Variants in PTPRD observed in about 807,000 individuals in gnomAD.
The protein encoded by PTPRD is receptor-type tyrosine-protein phosphatase delta.
A neutral mutation model predicts 214.5 loss-of-function variants in PTPRD; 34 were observed. That is an observed-to-expected ratio of 0.16 (90% CI 0.12 to 0.21). The LOEUF (loss-of-function observed/expected upper bound fraction) is 0.21. Among genes scored for constraint, PTPRD ranks in the 10% least tolerant of loss-of-function variants. The probability of loss-of-function intolerance (pLI) is 1.00; values close to 1 mark genes in which losing one functional copy is unlikely to be tolerated. For missense variants in PTPRD, 2,545 were observed against 2,398.7 expected (o/e 1.06, Z -1.27); for synonymous variants, 1,128 against 845.7 (o/e 1.33, Z -5.79).
At chr9:10,364,810 T>C (rs1010511522) in intron 2 of PTPRD, among the ~76,000 whole-genome samples, 2 of 152,186 alleles carry the variant, frequency 1.3e-5, no homozygotes, top group Admixed American at 6.5e-5. Flanking sequence ...TTATCTCTAT[T>C]ACCATACGAT....
chr9:8,701,499 GGT>G (rs2154395415), intron 12 of PTPRD: 1 of 152,298 alleles, frequency 6.6e-6, no homozygotes, highest in Non-Finnish European at 1.5e-5. Context: ...AGCCGGGCGT[GGT>G]GGCACATGCC....
In PTPRD at chr9:8,796,746, G is replaced by C. The variant is rs1160059065; in HGVS notation, c.-103-62800C>G. On this transcript the variant is annotated intron_variant, in intron 11 of 45. Coordinates refer to ENST00000381196, the MANE Select transcript of PTPRD (RefSeq NM_002839.4). ...ACATGGAAGCTCTAATCTTCTGGTTGAGAAATTCAAATTTCCTTAATCCAG... is the reference window on the plus strand; with the variant it reads ...ACATGGAAGCTCTAATCTTCTGGTTCAGAAATTCAAATTTCCTTAATCCAG... Among the ~76,000 whole-genome samples the C allele has an allele frequency of 4.6e-5, 7 of 152,118 alleles. No homozygotes were observed. In the East Asian group the frequency reaches 1.2e-3, roughly 25 times the overall value.
At position 10,504,115 on chromosome 9, in the gene PTPRD, C is replaced by CAAAAAAAAAAAAAAAAAAA; in HGVS notation, c.-600+108264_-600+108282dup. On this transcript the variant is annotated intron_variant, in intron 2 of 45. Coordinates refer to ENST00000381196, the MANE Select transcript of PTPRD (RefSeq NM_002839.4). ...TGGGGCACAGAGCGAGACTCTGTCT[C>CAAAAAAAAAAAAAAAAAAA]AAAAAAAAAAAAAAAAAAAAAAAAA... Among the ~76,000 whole-genome samples, 45 of 26,960 alleles carry CAAAAAAAAAAAAAAAAAAA rather than the reference C, an allele frequency of 1.7e-3. 8 individuals are homozygous for CAAAAAAAAAAAAAAAAAAA. The highest frequency in any genetic ancestry group is 5.0e-3 in the African/African-American group (28 of 5,548). 17.7% of individuals were successfully genotyped at this position (26,960 alleles called of 152,430 possible).
chr9:9,457,876 A>G (rs1039681334), intron 8 of PTPRD, among the ~76,000 whole-genome samples: 1 of 152,006 alleles, frequency 6.6e-6, no homozygotes, highest in Admixed American at 6.6e-5. Context: ...GTCCACTAAC[A>G]CTATAAATTA....
intron 3 of PTPRD, among the ~76,000 whole-genome samples, chr9:10,059,417 T>C (rs1265487892): frequency 6.6e-6 from 1 of 152,112 alleles, no homozygotes; most frequent in Non-Finnish European, 1.5e-5. Context: ...CATTCTATTT[T>C]ACAAGGCAGT....
chr9:9,940,884 C>A (rs2091271034), intron 4 of PTPRD, among the ~76,000 whole-genome samples: 1 of 152,046 alleles, frequency 6.6e-6, no homozygotes, highest in Non-Finnish European at 1.5e-5. Flanking sequence ...TGAAGGCTTT[C>A]TCCAGCTTTT....
At chr9:10,388,944 T>C (rs2097990407) in intron 2 of PTPRD, among the ~76,000 whole-genome samples, 1 of 151,850 alleles carries the variant, frequency 6.6e-6, no homozygotes, top group South Asian at 2.1e-4. Flanking sequence ...TCAAATGAAA[T>C]TGTATAGAAG....
intron 14 of PTPRD, among the ~76,000 whole-genome samples, chr9:8,572,608 T>A (rs1300729570): frequency 1.3e-5 from 2 of 152,030 alleles, no homozygotes; most frequent in Non-Finnish European, 2.9e-5. Flanking sequence ...AACACAAAAA[T>A]TCTTCAAGGG....
intron 5 of PTPRD, among the ~76,000 whole-genome samples, chr9:9,782,489 C>A (rs183975470): frequency 6.6e-6 from 1 of 152,084 alleles, no homozygotes; most frequent in South Asian, 2.1e-4. Context: ...AACTGATTAA[C>A]TGAGGAAAGA....
In PTPRD at chr9:9,240,442, G is replaced by C. The variant is rs189044519; in HGVS notation, c.-202-57079C>G. Among the ~76,000 whole-genome samples the C allele has an allele frequency of 7.7e-3, 1,169 of 152,264 alleles. 10 individuals carry two copies. The highest frequency in any genetic ancestry group is 0.027 in the African/African-American group (1,139 of 41,550). ...AATCCCAGCACTTTGGGAGGCCGAG[G>C]TGGGCAGATCATGAGGTCAGGAGTT... On this transcript the variant is annotated intron_variant, in intron 9 of 45. Coordinates refer to ENST00000381196, the MANE Select transcript of PTPRD (RefSeq NM_002839.4).
chr9:10,442,230 A>G (rs1566060277), intron 2 of PTPRD, among the ~76,000 whole-genome samples: 2 of 151,684 alleles, frequency 1.3e-5, no homozygotes, highest in Non-Finnish European at 3.0e-5. Flanking sequence ...TTTTTAACCA[A>G]TATTTAATTA....
intron 44 of PTPRD, 55 bp downstream of exon 44, chr9:8,331,523 TACAG>T (rs1460883196): frequency 1.3e-6 from 2 of 1,592,936 alleles, no homozygotes. Context: ...AAAAAGTGTA[TACAG>T]ACAATGAAGA....
chr9:9,701,559 T>C (rs1166106946), intron 7 of PTPRD, among the ~76,000 whole-genome samples: 1 of 152,192 alleles, frequency 6.6e-6, no homozygotes, highest in Non-Finnish European at 1.5e-5. Context: ...TTGATGACCA[T>C]TTTGCATTTA....
At chr9:8,552,471 G>C (rs2082396497) in intron 14 of PTPRD, among the ~76,000 whole-genome samples, 1 of 152,136 alleles carries the variant, frequency 6.6e-6, no homozygotes, top group African/African-American at 2.4e-5. Flanking sequence ...CATGGAAAGA[G>C]GACAGAGGCA....
chr9:8,817,608 G>T (rs761020108), intron 11 of PTPRD, among the ~76,000 whole-genome samples: 12 of 151,942 alleles, frequency 7.9e-5, no homozygotes, highest in Non-Finnish European at 1.6e-4. Flanking sequence ...TCCACCCTGG[G>T]TGACACAGCA....
chr9:8,899,189 C>T (rs140287383), intron 11 of PTPRD, among the ~76,000 whole-genome samples: 286 of 152,266 alleles, frequency 1.9e-3, no homozygotes, highest in Non-Finnish European at 3.4e-3. Flanking sequence ...GCATTTGCTA[C>T]AGAGGCCTAA....
chr9:9,987,216 C>G (rs1299613829), intron 4 of PTPRD, among the ~76,000 whole-genome samples: 1 of 152,048 alleles, frequency 6.6e-6, no homozygotes, highest in Non-Finnish European at 1.5e-5. Context: ...TAGTGAATCT[C>G]CAACCCAGTT....
intron 10 of PTPRD, among the ~76,000 whole-genome samples, chr9:9,027,699 TG>T (rs1221068912): frequency 1.3e-5 from 2 of 151,852 alleles, no homozygotes; most frequent in African/African-American, 4.8e-5. Flanking sequence ...TGGGTTGTAA[TG>T]GGGAACACTC....
intron 10 of PTPRD, among the ~76,000 whole-genome samples, chr9:9,022,755 T>A (rs2099574195): frequency 6.6e-6 from 1 of 152,186 alleles, no homozygotes; most frequent in African/African-American, 2.4e-5. Context: ...AACATGTGCA[T>A]GGAATATGAA....
Sources: allele counts gnomAD v4.1 joint callset (sites outside exome capture counted in the v4.1 genomes callset), GRCh38; gene constraint gnomAD v4.1.1; transcripts MANE v1.5; gene names NCBI Gene and HGNC (gene_info 2026-07-23, HGNC 2026-07-21).